Variants in COG4 observed in about 807,000 individuals in gnomAD.
COG4 encodes the protein component of oligomeric golgi complex 4, also known as conserved oligomeric Golgi complex subunit 4.
Under a neutral mutation model 95.1 loss-of-function variants are expected in COG4, and 65 were observed. The ratio of observed to expected loss-of-function variants is 0.68; its 90% confidence interval spans 0.56 to 0.84. COG4 has a LOEUF of 0.84. Ranked by LOEUF, COG4 falls within the 40% of genes least tolerant of loss-of-function variation. The pLI, the probability that COG4 is intolerant of heterozygous loss-of-function variation, is 0.00. For synonymous variants in COG4, 421 were observed against 374.8 expected, an observed-to-expected ratio of 1.12 and a Z score of -1.42; for missense variants, 1,045 against 989.1, an observed-to-expected ratio of 1.06 and a Z score of -0.76.
chr16:70,487,425 C>T (rs2049161394), intron 13 of COG4, among the ~76,000 whole-genome samples: 1 of 152,050 alleles, frequency 6.6e-6, no homozygotes, highest in Non-Finnish European at 1.5e-5. Context: ...GGCAAAACCC[C>T]ATCCCTACTA....
chr16:70,517,886 TCAA>T, intron 2 of COG4, 146 bp from the exon 3 acceptor site: 1 of 667,424 alleles, frequency 1.5e-6, no homozygotes, highest in Non-Finnish European at 2.7e-6. Flanking sequence ...CAGCTTTTTC[TCAA>T]GAACGTTTGA....
At chr16:70,515,012 C>CTTTTT (rs545289187) in intron 3 of COG4, among the ~76,000 whole-genome samples, 3 of 140,546 alleles carry the variant, frequency 2.1e-5, no homozygotes, top group Admixed American at 7.2e-5. Context: ...CAGAGCCCAA[C>CTTTTT]TTTTTTTTTT....
Position 70,519,731 on chromosome 16 carries a change from T to C in COG4, c.172A>G (p.Lys58Glu), listed in dbSNP as rs1189533848. 6.2e-7 allele frequency: 1 copy of C among 1,611,576 alleles called. No individual in the cohort carries two copies. The highest frequency in any genetic ancestry group is 2.2e-5 in the East Asian group (1 of 44,866). ...GCATCCAGCTCTCTCTCCACCACTT[T>C]CTGAAACACAGAGAAACATCCTGTC... ...AVYERLCGEEKVVERELDALL... is the reference protein window; with the variant it reads ...AVYERLCGEEEVVERELDALL... The change falls in exon 2 of 19, where the codon AAA becomes GAA. Residue 58 changes from lysine to glutamate, a missense_variant and splice_region_variant. Coordinates refer to ENST00000323786, the MANE Select transcript of COG4 (RefSeq NM_015386.3).
chr16:70,519,705 A>G lies in COG4; in HGVS notation c.198T>C (p.Ala66=). The change falls in exon 2 of 19, where the codon GCT becomes GCC. Residue 66 remains alanine (A), a synonymous_variant. Coordinates refer to ENST00000323786, the MANE Select transcript of COG4 (RefSeq NM_015386.3). The part of the protein sequence containing the change: ...EEKVVERELD[A]LLEQQNTIES... Reference sequence around the variant, plus strand: ...CAATGGTGTTTTGCTGTTCCAAAAGAGCATCCAGCTCTCTCTCCACCACTT... The same window carrying G: ...CAATGGTGTTTTGCTGTTCCAAAAGGGCATCCAGCTCTCTCTCCACCACTT... The G allele has an allele frequency of 6.2e-7, 1 of 1,613,936 alleles. No individual in the cohort carries two copies. The highest frequency in any genetic ancestry group is 8.5e-7 in the Non-Finnish European group (1 of 1,179,880).
chr16:70,480,879 G>A lies in COG4; in HGVS notation c.*131C>T. 2 of 1,106,030 alleles carry A rather than the reference G, an allele frequency of 1.8e-6. No individual in the cohort carries two copies. Among genetic ancestry groups the A allele is most frequent in the South Asian group, 1.3e-5 (1 of 76,974 alleles). 68.5% of individuals were successfully genotyped at this position (1,106,030 alleles called of 1,614,324 possible). A position where few individuals can be genotyped will look rare whatever the true frequency, so the allele number is the denominator to read the frequency against. ...GAGTGGGTCCAGACTTTGTTTCTCTGCTGCCAGCCGTAGAAAGGTCTGGGC... is the reference window on the plus strand; with the variant it reads ...GAGTGGGTCCAGACTTTGTTTCTCTACTGCCAGCCGTAGAAAGGTCTGGGC... On this transcript the variant is annotated 3_prime_UTR_variant, in exon 19 of 19. Coordinates refer to ENST00000323786, the MANE Select transcript of COG4 (RefSeq NM_015386.3).
In COG4 at chr16:70,497,075, C is replaced by T. The variant is rs560539574; in HGVS notation, c.1481+146G>A. On this transcript the variant is annotated intron_variant, in intron 11 of 18. Transcript: ENST00000323786. Reference sequence around the variant, plus strand: ...ATGGCTGACCAACAGCTTCCTGGAGCCAAGGATACTATCTTAGGGATAGGA... The same window carrying T: ...ATGGCTGACCAACAGCTTCCTGGAGTCAAGGATACTATCTTAGGGATAGGA... 105 of 832,460 alleles carry T rather than the reference C, an allele frequency of 1.3e-4. 1 individual carries two copies. In the Middle Eastern group the frequency reaches 3.2e-3, roughly 25 times the overall value. The allele number at this position is 832,460 out of a possible 1,614,324, so 51.6% of individuals were successfully genotyped here.
At chr16:70,518,479 C>T (rs1054374578) in intron 2 of COG4, among the ~76,000 whole-genome samples, 1 of 152,132 alleles carries the variant, frequency 6.6e-6, no homozygotes, top group Non-Finnish European at 1.5e-5. Context: ...CTGTCTTAGC[C>T]TCCTGAGTAG....
At chr16:70,516,100 A>T in intron 3 of COG4, 2 of 454,612 alleles carry the variant, frequency 4.4e-6, no homozygotes, top group South Asian at 3.1e-5. Flanking sequence ...TGAGGTGATC[A>T]TGTGTTTTTT....
Position 70,483,877 on chromosome 16 carries a change from G to C in COG4, c.1803C>G (p.Ser601=). Residue 601 remains serine (S), a synonymous_variant, in exon 14 of 19, where the codon TCC becomes TCG. Coordinates refer to ENST00000323786, the MANE Select transcript of COG4 (RefSeq NM_015386.3). The part of the protein sequence containing the change: ...DSCLSDLAAV[S]NKFRDLLQEG... Reference sequence around the variant, plus strand: ...CCTGCAAGAGGTCTCGGAATTTGTTGGACACGGCGGCCAAGTCAGAAAGGC... The same window carrying C: ...CCTGCAAGAGGTCTCGGAATTTGTTCGACACGGCGGCCAAGTCAGAAAGGC... 1.2e-6 allele frequency: 2 copies of C among 1,613,338 alleles called. No individual in the cohort carries two copies. The highest frequency in any genetic ancestry group is 1.7e-6 in the Non-Finnish European group (2 of 1,179,902).
At chr16:70,507,600 C>T (rs1247917706) in intron 8 of COG4, among the ~76,000 whole-genome samples, 4 of 152,008 alleles carry the variant, frequency 2.6e-5, no homozygotes, top group African/African-American at 9.7e-5. Flanking sequence ...GTGGCTCATG[C>T]CTATAATCTC....
rs781200899 is a variant in COG4 at position 70,523,485 on chromosome 16, G to T, written c.59C>A (p.Pro20Gln). 4.3e-6 allele frequency: 7 copies of T among 1,614,056 alleles called. No individual in the cohort carries two copies. Among genetic ancestry groups the T allele is most frequent in the Non-Finnish European group, 5.9e-6 (7 of 1,180,020 alleles). Residue 20 changes from proline (P) to glutamine (Q), a missense_variant, in exon 1 of 19, where the codon CCG becomes CAG. Physicochemically the swap from Pro to Gln is moderately conservative, Grantham distance 76. Transcript: ENST00000323786. The part of the protein sequence containing the change: ...SPPKLSGVQQ[P>Q]SEGVGGGRCS... ...GCGGCCACCTCCCACCCCCTCAGAC[G>T]GCTGCTGCACCCCTGACAGCTTCGG...
chr16:70,498,097 A>G lies in COG4; in HGVS notation c.1196-42T>C, dbSNP rs776727870. The G allele has an allele frequency of 6.4e-5, 85 of 1,329,642 alleles. 3 individuals are homozygous for G. In the South Asian group the frequency reaches 9.7e-4, roughly 15 times the overall value. 82.4% of individuals were successfully genotyped at this position (1,329,642 alleles called of 1,614,324 possible). A position where few individuals can be genotyped will look rare whatever the true frequency, so the allele number is the denominator to read the frequency against. On this transcript the variant is annotated intron_variant, in intron 9 of 18. Coordinates refer to ENST00000323786, the MANE Select transcript of COG4 (RefSeq NM_015386.3). Reference sequence around the variant, plus strand: ...AAAGGAATACTCATTTTTTTTCCCCAAGGGAAACAGAGCAACTTTTTTCAT... The same window carrying G: ...AAAGGAATACTCATTTTTTTTCCCCGAGGGAAACAGAGCAACTTTTTTCAT...
At chr16:70,512,741 A>T (rs928109467) in intron 4 of COG4, among the ~76,000 whole-genome samples, 2 of 152,202 alleles carry the variant, frequency 1.3e-5, no homozygotes, top group Non-Finnish European at 2.9e-5. Flanking sequence ...GCACTTTGGA[A>T]GGCCGAGATG....
At chr16:70,504,012 GTA>G (rs1491221097) in intron 8 of COG4, among the ~76,000 whole-genome samples, 1 of 152,128 alleles carries the variant, frequency 6.6e-6, no homozygotes, top group Non-Finnish European at 1.5e-5. Context: ...CCTACACTCA[GTA>G]TATCACAGTG....
Position 70,481,554 on chromosome 16 carries a change from C to G in COG4, c.2107-67G>C, listed in dbSNP as rs1597651108. The G allele has an allele frequency of 1.6e-5, 26 of 1,607,940 alleles. No individual in the cohort carries two copies. The Middle Eastern group carries it at 8.3e-4, about 51-fold the overall frequency. On this transcript the variant is annotated intron_variant, in intron 17 of 18. Coordinates refer to ENST00000323786, the MANE Select transcript of COG4 (RefSeq NM_015386.3). ...AAGCAGAACTGGCCTCCAGTTGCCC[C>G]CAGAGCTGGGTGGCAAGGCCCGCCA...
rs1290652954 is a variant in COG4 at position 70,481,349 on chromosome 16, C to T, written c.2235+10G>A. The stretch of plus-strand genomic sequence containing the variant: ...CCCCTCCCTGGCTGGGCCAAGGGTG[C>T]CCCACCTACCCGCTCCAGATTGAGG... On this transcript the variant is annotated intron_variant, in intron 18 of 18. Transcript: ENST00000323786. 1.2e-6 allele frequency: 2 copies of T among 1,612,016 alleles called. No individual in the cohort carries two copies. Among genetic ancestry groups the T allele is most frequent in the East Asian group, 2.2e-5 (1 of 44,868 alleles).
intron 12 of COG4, among the ~76,000 whole-genome samples, chr16:70,495,870 C>A (rs1429494007): frequency 1.3e-5 from 2 of 152,208 alleles, no homozygotes; most frequent in African/African-American, 4.8e-5. Flanking sequence ...GATGGCAGGC[C>A]CGAAGGACTG....
chr16:70,513,579 T>C (rs1028474417), intron 4 of COG4, among the ~76,000 whole-genome samples: 2 of 152,300 alleles, frequency 1.3e-5, no homozygotes, highest in Non-Finnish European at 2.9e-5. Flanking sequence ...CAATAATATA[T>C]AATAAGATAT....
At chr16:70,517,868 T>TC in intron 2 of COG4, 128 bp from the exon 3 acceptor site, 4 of 699,952 alleles carry the variant, frequency 5.7e-6, no homozygotes, top group Non-Finnish European at 1.0e-5. Flanking sequence ...CTCAGTTTGC[T>TC]CTATACTCAG....
Sources: gnomAD v4.1 joint callset for allele counts (sites outside exome capture counted in the v4.1 genomes callset) on GRCh38, gnomAD v4.1.1 for gene constraint, MANE v1.5 for transcripts, NCBI Gene and HGNC (gene_info 2026-07-23, HGNC 2026-07-21) for gene names.